Variants in KAZN observed in about 807,000 individuals in gnomAD.
KAZN encodes kazrin, periplakin interacting protein, also known as kazrin.
A neutral mutation model predicts 87.4 loss-of-function variants in KAZN; 40 were observed. The observed-to-expected ratio is 0.46, with a 90% CI of 0.36 to 0.60. KAZN has a LOEUF of 0.60. KAZN is among the 20% of genes least tolerant of loss of function. The pLI, the probability that KAZN is intolerant of heterozygous loss-of-function variation, is 0.00. For missense variants in KAZN, 898 were observed against 1,073.9 expected (o/e 0.84, Z 2.29); for synonymous variants, 466 against 458.3 (o/e 1.02, Z -0.22).
chr1:14,829,439 A>G (rs1438794270), intron 1 of KAZN, among the ~76,000 whole-genome samples: 1 of 152,204 alleles, frequency 6.6e-6, no homozygotes, highest in African/African-American at 2.4e-5. Flanking sequence ...TTGTGATGGC[A>G]CATGCCTATA....
intron 10 of KAZN, among the ~76,000 whole-genome samples, chr1:15,098,445 T>G (rs759368172): frequency 2.4e-4 from 36 of 152,210 alleles, no homozygotes; most frequent in Admixed American, 6.5e-5. Context: ...GATTGCTGAT[T>G]ATGGATGGGC....
chr1:14,378,691 T>TCCAGGAA (rs1344810298), intron 2 of KAZN, among the ~76,000 whole-genome samples: 3 of 152,168 alleles, frequency 2.0e-5, no homozygotes, highest in Non-Finnish European at 4.4e-5. Flanking sequence ...GAGGGAATAT[T>TCCAGGAA]TAAACCAGCC....
At chr1:15,067,722 G>C in intron 8 of KAZN, 1 of 985,448 alleles carries the variant, frequency 1.0e-6, no homozygotes, top group Non-Finnish European at 1.2e-6. Context: ...ACAGCAAGCA[G>C]GCAGAGGCCC....
chr1:14,922,045 G>A (rs566680648), intron 1 of KAZN, among the ~76,000 whole-genome samples: 1 of 152,280 alleles, frequency 6.6e-6, no homozygotes, highest in African/African-American at 2.4e-5. Context: ...GGAGTTAAGA[G>A]GAAAGCACAT....
At chr1:14,894,235 C>T (rs1012318476) in intron 1 of KAZN, among the ~76,000 whole-genome samples, 4 of 152,166 alleles carry the variant, frequency 2.6e-5, no homozygotes, top group South Asian at 2.1e-4. Context: ...GCCGCAGCCT[C>T]GCCTGCCTGA....
At chr1:14,671,437 G>A (rs3820066) in intron 1 of KAZN, among the ~76,000 whole-genome samples, 37,558 of 152,098 alleles carry the variant, frequency 0.25, 4,724 homozygotes, top group Middle Eastern at 0.36. Context: ...TACTGGGGGA[G>A]ATGGCAAAAT....
Position 15,056,400 on chromosome 1 carries a change from G to A in KAZN, c.916+120G>A. Reference sequence around the variant, plus strand: ...TACAGCAGCTTGGGGGCGTGGGACAGAGACCTTGGGCTCATGTAACTGAAA... The same window carrying A: ...TACAGCAGCTTGGGGGCGTGGGACAAAGACCTTGGGCTCATGTAACTGAAA... On this transcript the variant is annotated intron_variant, in intron 5 of 14. Coordinates refer to ENST00000376030, the MANE Select transcript of KAZN (RefSeq NM_201628.3). The surrounding 1 kb of genome is among the most constrained non-coding windows in gnomAD (Gnocchi z 5.4). The A allele has an allele frequency of 2.0e-6, 2 of 1,020,500 alleles. No individual in the cohort carries two copies. Among genetic ancestry groups the A allele is most frequent in the Non-Finnish European group, 2.8e-6 (2 of 717,224 alleles). 63.2% of individuals were successfully genotyped at this position (1,020,500 alleles called of 1,614,324 possible).
intron 1 of KAZN, among the ~76,000 whole-genome samples, chr1:14,778,988 C>T (rs1645256564): frequency 6.6e-6 from 1 of 152,184 alleles, no homozygotes; most frequent in Non-Finnish European, 1.5e-5. Context: ...CTGCACCTGG[C>T]TCTGGTCATG....
rs1035889701 is a variant in KAZN, at chr1:15,094,013, G to A, written c.1223-167G>A. 6.6e-6 allele frequency among the ~76,000 whole-genome samples: 1 copy of A among 152,106 alleles called. No homozygotes were observed. Among genetic ancestry groups the A allele is most frequent in the African/African-American group, 2.4e-5 (1 of 41,412 alleles). ...CTTTTCATAGATTACTTTTGTAATG[G>A]GGGCAAGGGCAGAAAAACAAAAACG... is the stretch of plus-strand genomic sequence containing the variant. On this transcript the variant is annotated intron_variant, in intron 8 of 14. Coordinates refer to ENST00000376030, the MANE Select transcript of KAZN (RefSeq NM_201628.3). The surrounding 1 kb of genome is among the most constrained non-coding windows in gnomAD (Gnocchi z 4.5).
At chr1:13,999,278 G>T (rs1057126826) in intron 1 of KAZN, among the ~76,000 whole-genome samples, 1 of 152,034 alleles carries the variant, frequency 6.6e-6, no homozygotes, top group African/African-American at 2.4e-5. Context: ...AATCCAGGAG[G>T]TGGAGGTTGC....
chr1:14,761,868 C>A (rs1245558137), intron 1 of KAZN, among the ~76,000 whole-genome samples: 1 of 150,004 alleles, frequency 6.7e-6, no homozygotes, highest in Non-Finnish European at 1.5e-5. Flanking sequence ...TTAGGAGTTA[C>A]TTAACATCTG....
intron 2 of KAZN, among the ~76,000 whole-genome samples, chr1:14,443,686 C>T (rs1320540473): frequency 6.6e-6 from 1 of 152,190 alleles, no homozygotes; most frequent in Admixed American, 6.5e-5. Context: ...CCCAGTGACT[C>T]ACTCCTCTCG....
chr1:14,228,283 G>A (rs1487903667), intron 2 of KAZN, among the ~76,000 whole-genome samples: 7 of 152,190 alleles, frequency 4.6e-5, no homozygotes, highest in Admixed American at 4.6e-4. Context: ...ACTTCAGGCT[G>A]ACAACAACCT....
At chr1:14,125,219 G>A (rs1644838500) in intron 1 of KAZN, among the ~76,000 whole-genome samples, 1 of 152,110 alleles carries the variant, frequency 6.6e-6, no homozygotes, top group South Asian at 2.1e-4. Context: ...CCCACTGGAT[G>A]TCAGAAGCAC....
At chr1:14,548,782 G>A (rs935856659) in intron 2 of KAZN, among the ~76,000 whole-genome samples, 11 of 112,024 alleles carry the variant, frequency 9.8e-5, no homozygotes, top group African/African-American at 3.2e-4. Context: ...CAGTCCTGCT[G>A]TGAACATTCT....
intron 2 of KAZN, among the ~76,000 whole-genome samples, chr1:15,026,565 G>A (rs560754278): frequency 9.2e-5 from 14 of 152,226 alleles, no homozygotes; most frequent in Admixed American, 5.2e-4. Context: ...CTGAAGCTGT[G>A]TCTTTCTGAG....
rs1027380263 is a variant in KAZN at position 13,983,359 on chromosome 1, T to C, written c.91+89603T>C. Among the ~76,000 whole-genome samples the C allele has an allele frequency of 3.3e-5, 5 of 152,212 alleles. 1 individual carries two copies. Among genetic ancestry groups the C allele is most frequent in the Non-Finnish European group, 1.5e-5 (1 of 68,022 alleles). On this transcript the variant is annotated intron_variant, in intron 1 of 16. Coordinates refer to the KAZN transcript ENST00000636203. ...GAAATCCAGCGCAGTGCCGGTGGGCTGGCACTGCTGGGGGACCCAGTACAC... is the reference window on the plus strand; with the variant it reads ...GAAATCCAGCGCAGTGCCGGTGGGCCGGCACTGCTGGGGGACCCAGTACAC...
chr1:15,101,495 T>C, intron 10 of KAZN, 48 bp from the exon 11 acceptor site: 2 of 1,336,436 alleles, frequency 1.5e-6, no homozygotes, highest in Non-Finnish European at 2.1e-6. Flanking sequence ...CGTCTGTTTC[T>C]GCCGCCTTTC....
At chr1:14,597,967 A>C (rs1676614334), upstream of KAZN, among the ~76,000 whole-genome samples, 1 of 152,152 alleles carries the variant, frequency 6.6e-6, no homozygotes, top group Non-Finnish European at 1.5e-5. Flanking sequence ...CAGTAGAAGA[A>C]AGGGAAGAAG....
Sources: gnomAD v4.1 joint callset for allele counts (sites outside exome capture counted in the v4.1 genomes callset) on GRCh38, gnomAD v4.1.1 for gene constraint, Gnocchi (gnomAD v3.1) non-coding constraint, MANE v1.5 for transcripts, NCBI Gene and HGNC (gene_info 2026-07-23, HGNC 2026-07-21) for gene names.